Variants in CPB2 observed in about 807,000 individuals in gnomAD.
The protein encoded by CPB2 is carboxypeptidase B2.
Under a neutral mutation model 57.0 loss-of-function variants are expected in CPB2, and 54 were observed. The observed-to-expected ratio is 0.95, with a 90% CI of 0.76 to 1.19. The LOEUF (loss-of-function observed/expected upper bound fraction) is 1.19. CPB2 is among the 50% of genes most tolerant of loss of function. The pLI is 0.00. For missense variants in CPB2, 426 were observed against 512.0 expected, an observed-to-expected ratio of 0.83 and a Z score of 1.62; for synonymous variants, 189 against 178.1, an observed-to-expected ratio of 1.06 and a Z score of -0.49.
chr13:46,059,682 A>G (rs1270499679), intron 8 of CPB2, among the ~76,000 whole-genome samples: 1 of 152,086 alleles, frequency 6.6e-6, no homozygotes, highest in East Asian at 1.9e-4. Flanking sequence ...GAGAGGAAGG[A>G]TTCACTGAGC....
Position 46,067,430 on chromosome 13 carries a change from C to A in CPB2, c.592-13G>T. 8.1e-7 allele frequency: 1 copy of A among 1,229,440 alleles called. No individual in the cohort carries two copies. Among genetic ancestry groups the A allele is most frequent in the Non-Finnish European group, 1.2e-6 (1 of 837,794 alleles). 76.2% of individuals were successfully genotyped at this position (1,229,440 alleles called of 1,614,324 possible). ...AGAATTGAGTTATCTGCAAATTAAA[C>A]CAAGTATATTTAATTAGATGTTTTA... is the stretch of plus-strand genomic sequence containing the variant. On this transcript the variant is annotated splice_polypyrimidine_tract_variant and intron_variant, in intron 6 of 10. Coordinates refer to ENST00000181383, the MANE Select transcript of CPB2 (RefSeq NM_001872.5).
chr13:46,092,322 A>C, intron 1 of CPB2, among the ~76,000 whole-genome samples: 1 of 152,282 alleles, frequency 6.6e-6, no homozygotes, highest in East Asian at 1.9e-4. Flanking sequence ...CTTTAGTGGG[A>C]AAACTGGTGA....
At chr13:46,074,993 G>T (rs1020405407) in intron 5 of CPB2, among the ~76,000 whole-genome samples, 56 of 152,310 alleles carry the variant, frequency 3.7e-4, no homozygotes, top group African/African-American at 1.3e-3. Context: ...GCGTGGCCGC[G>T]TTCCTAACAG....
chr13:46,087,872 G>T (rs1480471456), intron 1 of CPB2, 52 bp from the exon 2 acceptor site: 6 of 1,254,866 alleles, frequency 4.8e-6, no homozygotes, highest in Non-Finnish European at 6.9e-6. Flanking sequence ...AGTAAAGATG[G>T]AATATATTAT....
intron 5 of CPB2, among the ~76,000 whole-genome samples, chr13:46,077,459 CT>C (rs1415937484): frequency 6.6e-6 from 1 of 152,136 alleles, no homozygotes; most frequent in African/African-American, 2.4e-5. Context: ...AAGGGGAACC[CT>C]TGTACACTGT....
chr13:46,083,662 A>G (rs558833157), intron 3 of CPB2, among the ~76,000 whole-genome samples: 22 of 152,152 alleles, frequency 1.4e-4, no homozygotes, highest in Non-Finnish European at 2.8e-4. Flanking sequence ...TCCACAGGGT[A>G]GGTGCTGTTT....
Position 46,053,649 on chromosome 13 carries a change from A to T in CPB2, c.1237T>A (p.Ser413Thr). ...PTCREAFAAVSKIAWHVIRNV is the reference protein window; with the variant it reads ...PTCREAFAAVTKIAWHVIRNV ...CTAATGACATGCCAAGCTATTTTAG[A>T]GACAGCGGCAAAAGCTTCTCTACAG... Residue 413 changes from serine to threonine, a missense_variant, in exon 11 of 11, where the codon TCT (serine) becomes ACT (threonine). Coordinates refer to ENST00000181383, the MANE Select transcript of CPB2 (RefSeq NM_001872.5). 1 of 1,614,204 alleles carries T rather than the reference A, an allele frequency of 6.2e-7. No homozygotes were observed. The highest frequency in any genetic ancestry group is 8.5e-7 in the Non-Finnish European group (1 of 1,180,016).
intron 4 of CPB2, among the ~76,000 whole-genome samples, chr13:46,081,920 T>G (rs949308897): frequency 6.6e-6 from 1 of 152,062 alleles, no homozygotes; most frequent in Non-Finnish European, 1.5e-5. Context: ...TAAGTACTGA[T>G]AGAAAAAAAA....
At chr13:46,089,257 G>A (rs569834197) in intron 1 of CPB2, among the ~76,000 whole-genome samples, 2 of 151,910 alleles carry the variant, frequency 1.3e-5, no homozygotes, top group Non-Finnish European at 1.5e-5. Context: ...TTTCCATACT[G>A]TTTGGCAGAG....
chr13:46,089,530 G>A (rs147035929), intron 1 of CPB2, among the ~76,000 whole-genome samples: 438 of 152,280 alleles, frequency 2.9e-3, no homozygotes, highest in African/African-American at 0.01. Flanking sequence ...GAGCACCAGG[G>A]AGAGTTCTAT....
intron 9 of CPB2, among the ~76,000 whole-genome samples, chr13:46,057,171 A>G (rs2044708777): frequency 6.6e-6 from 1 of 152,122 alleles, no homozygotes; most frequent in African/African-American, 2.4e-5. Context: ...AAAAAGCATA[A>G]TTAGACTAAT....
intron 1 of CPB2, among the ~76,000 whole-genome samples, chr13:46,089,066 AT>A: frequency 6.6e-6 from 1 of 151,590 alleles, no homozygotes; most frequent in South Asian, 2.1e-4. Flanking sequence ...ATATTCTCAT[AT>A]ACTTCTTCTG....
At chr13:46,061,274 C>A (rs1208527437) in intron 8 of CPB2, among the ~76,000 whole-genome samples, 1 of 152,092 alleles carries the variant, frequency 6.6e-6, no homozygotes, top group East Asian at 1.9e-4. Flanking sequence ...CCATTCAAGC[C>A]AGTTGCAAAA....
intron 1 of CPB2, among the ~76,000 whole-genome samples, chr13:46,090,900 A>G (rs1235033288): frequency 7.0e-6 from 1 of 143,604 alleles, no homozygotes; most frequent in Non-Finnish European, 1.5e-5. Flanking sequence ...AATTTTTTGT[A>G]TTTTTAGTAG....
rs2277440 is a variant in CPB2 at position 46,064,691 on chromosome 13, G to A, written c.753C>T (p.Ile251=). 129,853 of 1,613,616 alleles carry A rather than the reference G, an allele frequency of 0.08. 7,048 individuals are homozygous for A. Among genetic ancestry groups the A allele is most frequent in the East Asian group, 0.29 (12,913 of 44,838 alleles). ...NRSFYANNHC[I]GTDLNRNFAS... ...CAAAGTTCCTATTCAGGTCTGTTCC[G>A]ATGCAATGATTGTTCGCATAGAAAG... Residue 251 remains isoleucine (I), a synonymous_variant, in exon 8 of 11, where the codon ATC becomes ATT. Coordinates refer to ENST00000181383, the MANE Select transcript of CPB2 (RefSeq NM_001872.5).
intron 8 of CPB2, among the ~76,000 whole-genome samples, chr13:46,058,940 G>C (rs1209069714): frequency 6.6e-6 from 1 of 152,196 alleles, no homozygotes; most frequent in East Asian, 1.9e-4. Flanking sequence ...TGCATCACTT[G>C]AGATGGTAGG....
chr13:46,103,360 A>C (rs1288332605), intron 1 of CPB2, among the ~76,000 whole-genome samples: 1 of 152,154 alleles, frequency 6.6e-6, no homozygotes, highest in Non-Finnish European at 1.5e-5. Flanking sequence ...CTACTTTCCA[A>C]ACCAACTGCT....
At chr13:46,086,206 T>C (rs1476360052) in intron 2 of CPB2, among the ~76,000 whole-genome samples, 1 of 152,150 alleles carries the variant, frequency 6.6e-6, no homozygotes, top group African/African-American at 2.4e-5. Context: ...GCTGCAGCTC[T>C]TCTCTCCTTC....
chr13:46,102,882 G>A (rs4942479), intron 1 of CPB2, among the ~76,000 whole-genome samples: 64,533 of 151,830 alleles, frequency 0.43, 13,925 homozygotes, highest in East Asian at 0.63. Flanking sequence ...CTCGCAGTAT[G>A]CAAAAGTATT....
Sources: gnomAD v4.1 joint callset for allele counts (sites outside exome capture counted in the v4.1 genomes callset) on GRCh38, gnomAD v4.1.1 for gene constraint, MANE v1.5 for transcripts, NCBI Gene and HGNC (gene_info 2026-07-23, HGNC 2026-07-21) for gene names.